The following RBMS3 variants were observed in gnomAD, a reference collection of about 807,000 sequenced individuals.
RBMS3 encodes the protein RNA binding motif single stranded interacting protein 3.
RBMS3 carries 27 observed loss-of-function variants against 66.8 expected under a neutral mutation model. The observed-to-expected ratio is 0.40, with a 90% CI of 0.30 to 0.56. The LOEUF is 0.56. RBMS3 is among the 20% of genes least tolerant of loss of function. RBMS3 has a pLI of 0.40. For synonymous variants in RBMS3, 188 were observed against 183.0 expected, an observed-to-expected ratio of 1.03 and a Z score of -0.22; for missense variants, 513 against 549.5, an observed-to-expected ratio of 0.93 and a Z score of 0.66.
At chr3:29,820,990 CTACTAGAGA>C (rs1339124667) in intron 6 of RBMS3, among the ~76,000 whole-genome samples, 1 of 152,158 alleles carries the variant, frequency 6.6e-6, no homozygotes, top group African/African-American at 2.4e-5. Context: ...CTTCAACCCT[CTACTAGAGA>C]TACTGATTGC....
At chr3:29,670,035 A>T (rs73052446) in intron 4 of RBMS3, among the ~76,000 whole-genome samples, 2,102 of 152,272 alleles carry the variant, frequency 0.014, 24 homozygotes, top group Middle Eastern at 0.024. Context: ...ATCTCTTTTA[A>T]CAAAGAGATC....
chr3:29,566,114 C>T (rs1042650889), intron 3 of RBMS3, among the ~76,000 whole-genome samples: 1 of 152,108 alleles, frequency 6.6e-6, no homozygotes, highest in African/African-American at 2.4e-5. Flanking sequence ...TAGTATGAGC[C>T]AGAATGTGTG....
chr3:30,001,038 TA>T (rs10640996), intron 14 of RBMS3, among the ~76,000 whole-genome samples: 1 of 151,480 alleles, frequency 6.6e-6, no homozygotes, highest in Non-Finnish European at 1.5e-5. Flanking sequence ...TAAAGTATAA[TA>T]AAAAAAAGAA....
intron 3 of RBMS3, among the ~76,000 whole-genome samples, chr3:29,586,899 G>T (rs1056616790): frequency 8.6e-5 from 13 of 152,034 alleles, no homozygotes; most frequent in African/African-American, 3.1e-4. Flanking sequence ...CAAAACAATG[G>T]CTAGAAAATA....
chr3:29,496,942 A>C (rs569625161), intron 3 of RBMS3, among the ~76,000 whole-genome samples: 25 of 152,320 alleles, frequency 1.6e-4, no homozygotes, highest in African/African-American at 5.5e-4. Flanking sequence ...TGTGTTCAAT[A>C]GCCTTTAGTA....
chr3:29,454,559 A>G (rs1441436074), intron 2 of RBMS3, among the ~76,000 whole-genome samples: 1 of 152,216 alleles, frequency 6.6e-6, no homozygotes. Context: ...ACAAGCACCA[A>G]CAGGACGCTT....
intron 1 of RBMS3, among the ~76,000 whole-genome samples, chr3:29,382,338 G>T (rs1040249686): frequency 2.6e-5 from 4 of 152,156 alleles, no homozygotes; most frequent in African/African-American, 9.7e-5. Flanking sequence ...TTATTCTGCA[G>T]CACACAATGC....
intron 1 of RBMS3, among the ~76,000 whole-genome samples, chr3:29,355,639 T>C (rs2037180865): frequency 6.6e-6 from 1 of 151,992 alleles, no homozygotes. Flanking sequence ...CGGAAAGAAA[T>C]GTATGACTTA....
intron 11 of RBMS3, among the ~76,000 whole-genome samples, chr3:29,936,873 A>G (rs1477809846): frequency 1.3e-5 from 2 of 152,050 alleles, no homozygotes; most frequent in Non-Finnish European, 2.9e-5. Flanking sequence ...GATTTTTTTA[A>G]AAGATAATTC....
intron 6 of RBMS3, among the ~76,000 whole-genome samples, chr3:29,848,434 T>C (rs2058844596): frequency 1.3e-5 from 2 of 152,238 alleles, no homozygotes; most frequent in Admixed American, 6.5e-5. Context: ...TATGATATGC[T>C]TTACATTTTG....
Position 29,431,877 on chromosome 3 carries a change from T to C in RBMS3, c.76-2866T>C, listed in dbSNP as rs925210834. Among the ~76,000 whole-genome samples, 57 of 152,140 alleles carry C rather than the reference T, an allele frequency of 3.7e-4. 1 individual carries two copies. Among genetic ancestry groups the C allele is most frequent in the African/African-American group, 1.4e-3 (57 of 41,506 alleles). ...GATAGCAGAGACCACAGGCACATGG[T>C]ACCACACCCAGCTAATTTTTGTGTA... On this transcript the variant is annotated intron_variant, in intron 1 of 14. Coordinates refer to ENST00000383767, the MANE Select transcript of RBMS3 (RefSeq NM_001003793.3).
chr3:29,322,956 AT>A (rs1277172697), intron 1 of RBMS3, among the ~76,000 whole-genome samples: 2 of 152,144 alleles, frequency 1.3e-5, no homozygotes, highest in African/African-American at 4.8e-5. Context: ...CATCCATCTA[AT>A]AAGTGTTATT....
intron 3 of RBMS3, among the ~76,000 whole-genome samples, chr3:29,499,158 T>C (rs1382521038): frequency 6.6e-6 from 1 of 152,136 alleles, no homozygotes; most frequent in Admixed American, 6.6e-5. Flanking sequence ...TTTTACAAGT[T>C]TAAAGGAAAA....
intron 3 of RBMS3, among the ~76,000 whole-genome samples, chr3:29,538,766 T>C (rs928694692): frequency 6.6e-6 from 1 of 152,240 alleles, no homozygotes; most frequent in Non-Finnish European, 1.5e-5. Flanking sequence ...CATGTTGTCC[T>C]GCAGGCAGTA....
At chr3:29,620,609 T>A (rs2048832950) in intron 4 of RBMS3, among the ~76,000 whole-genome samples, 1 of 152,122 alleles carries the variant, frequency 6.6e-6, no homozygotes, top group Non-Finnish European at 1.5e-5. Flanking sequence ...TACTTGATTT[T>A]CATATTGGCA....
intron 14 of RBMS3, among the ~76,000 whole-genome samples, chr3:30,003,020 G>A (rs1378536082): frequency 6.6e-6 from 1 of 151,956 alleles, no homozygotes. Flanking sequence ...ATAACTTTTT[G>A]CTGGCATCCA....
At chr3:29,355,036 G>T in intron 1 of RBMS3, among the ~76,000 whole-genome samples, 1 of 152,078 alleles carries the variant, frequency 6.6e-6, no homozygotes, top group East Asian at 1.9e-4. Context: ...TGCCTGGTTA[G>T]CTAGGATGTA....
At chr3:29,329,919 G>T (rs986021673) in intron 1 of RBMS3, among the ~76,000 whole-genome samples, 2 of 146,932 alleles carry the variant, frequency 1.4e-5, no homozygotes, top group Non-Finnish European at 3.0e-5. Flanking sequence ...TATAACTATA[G>T]AATTAATATA....
intron 10 of RBMS3, among the ~76,000 whole-genome samples, chr3:29,931,371 C>A (rs1197556197): frequency 1.3e-5 from 2 of 152,138 alleles, no homozygotes; most frequent in African/African-American, 2.4e-5. Flanking sequence ...TGGCTTCTGG[C>A]TTACCATGTA....
Sources: gnomAD v4.1 joint callset for allele counts (sites outside exome capture counted in the v4.1 genomes callset) on GRCh38, gnomAD v4.1.1 for gene constraint, MANE v1.5 for transcripts, NCBI Gene and HGNC (gene_info 2026-07-23, HGNC 2026-07-21) for gene names.